The following NEMP2 variants were observed in gnomAD, a reference collection of about 807,000 sequenced individuals.
NEMP2 encodes nuclear envelope integral membrane protein 2, also known as UPF0571 transmembrane protein.
In NEMP2, 53 loss-of-function variants were observed where a neutral mutation model predicts 54.2. The ratio of observed to expected loss-of-function variants is 0.98; its 90% confidence interval spans 0.78 to 1.23. The LOEUF is 1.23. Among genes scored for constraint, NEMP2 ranks in the 50% most tolerant of loss-of-function variants. NEMP2 has a pLI of 0.00. For missense variants in NEMP2, 455 were observed against 511.3 expected, an observed-to-expected ratio of 0.89 and a Z score of 1.06; for synonymous variants, 197 against 190.3, an observed-to-expected ratio of 1.04 and a Z score of -0.29.
At chr2:190,563,713 GA>G in the NEMP2 span, among the ~76,000 whole-genome samples, 10 of 152,228 alleles carry the variant, frequency 6.6e-5, no homozygotes, top group Non-Finnish European at 1.3e-4. This position sits in a 1 kb window ranked among gnomAD's most constrained non-coding sequence, Gnocchi z 4.3. Flanking sequence ...GCACCAATGA[GA>G]TAATGGCTTA....
At chr2:190,611,273 A>G in the NEMP2 span, among the ~76,000 whole-genome samples, 1 of 152,232 alleles carries the variant, frequency 6.6e-6, no homozygotes, top group Non-Finnish European at 1.5e-5. This position sits in a 1 kb window ranked among gnomAD's most constrained non-coding sequence, Gnocchi z 5.4. Flanking sequence ...TTATACAAAT[A>G]TAGCCCAAAG....
chr2:190,646,354 GT>G, the NEMP2 span, among the ~76,000 whole-genome samples: 1 of 152,196 alleles, frequency 6.6e-6, no homozygotes, highest in African/African-American at 2.4e-5. Flanking sequence ...AAGACTGTGT[GT>G]GTGCTGGAGT....
chr2:190,569,093 A>G, the NEMP2 span, among the ~76,000 whole-genome samples: 1 of 152,198 alleles, frequency 6.6e-6, no homozygotes, highest in Non-Finnish European at 1.5e-5. Flanking sequence ...GGGAATGGAA[A>G]TGGAATTAGA....
the NEMP2 span, among the ~76,000 whole-genome samples, chr2:190,559,736 G>C: frequency 6.6e-6 from 1 of 152,202 alleles, no homozygotes; most frequent in Admixed American, 6.5e-5. The surrounding 1 kb of genome is among the most constrained non-coding windows in gnomAD (Gnocchi z 4.0). Context: ...CAGTTGTGAG[G>C]AGAAGGGTGG....
chr2:190,533,852 C>T lies in NEMP2; in HGVS notation c.97+707G>A, dbSNP rs1424429023. On this transcript the variant is annotated intron_variant, in intron 1 of 8. Transcript: ENST00000409150. This position sits in a 1 kb window ranked among gnomAD's most constrained non-coding sequence, Gnocchi z 4.3. Reference sequence around the variant, plus strand: ...TGGAGTTGGAACTCTAGGTTTCTGACTTCCCCAGGTGTCCTTCCCAGATCC... The same window carrying T: ...TGGAGTTGGAACTCTAGGTTTCTGATTTCCCCAGGTGTCCTTCCCAGATCC... 2.0e-5 allele frequency among the ~76,000 whole-genome samples: 3 copies of T among 152,162 alleles called. No individual in the cohort carries two copies. The highest frequency in any genetic ancestry group is 7.2e-5 in the African/African-American group (3 of 41,434).
the NEMP2 span, among the ~76,000 whole-genome samples, chr2:190,587,973 T>G: frequency 6.6e-6 from 1 of 152,170 alleles, no homozygotes; most frequent in Non-Finnish European, 1.5e-5. This position sits in a 1 kb window ranked among gnomAD's most constrained non-coding sequence, Gnocchi z 5.4. Context: ...GAGGAAAATC[T>G]ACCTACCAGT....
At chr2:190,449,346 C>T in the NEMP2 span, among the ~76,000 whole-genome samples, 1 of 151,920 alleles carries the variant, frequency 6.6e-6, no homozygotes, top group Non-Finnish European at 1.5e-5. Flanking sequence ...TGGTGGCGGG[C>T]ACTTGTAGTC....
the NEMP2 span, among the ~76,000 whole-genome samples, chr2:190,573,816 A>G: frequency 6.6e-6 from 1 of 152,220 alleles, no homozygotes; most frequent in Non-Finnish European, 1.5e-5. Flanking sequence ...TTGGTGCAAA[A>G]GTAATTGTGG....
At chr2:190,456,800 G>T in the NEMP2 span, among the ~76,000 whole-genome samples, 23 of 152,326 alleles carry the variant, frequency 1.5e-4, no homozygotes, top group East Asian at 3.1e-3. This position sits in a 1 kb window ranked among gnomAD's most constrained non-coding sequence, Gnocchi z 5.4. Flanking sequence ...AGTTTCTGTG[G>T]CTACCTCAGC....
chr2:190,575,056 T>C, the NEMP2 span, among the ~76,000 whole-genome samples: 2 of 151,714 alleles, frequency 1.3e-5, no homozygotes, highest in African/African-American at 4.8e-5. Flanking sequence ...GGGGTTTCAC[T>C]ATGTTGGCCA....
chr2:190,620,042 G>A, the NEMP2 span, among the ~76,000 whole-genome samples: 2 of 152,092 alleles, frequency 1.3e-5, no homozygotes, highest in Non-Finnish European at 2.9e-5. The surrounding 1 kb of genome is among the most constrained non-coding windows in gnomAD (Gnocchi z 4.9). Context: ...TATCATCATT[G>A]TCATCAAATC....
At chr2:190,473,549 C>T in the NEMP2 span, among the ~76,000 whole-genome samples, 2 of 152,164 alleles carry the variant, frequency 1.3e-5, no homozygotes, top group Admixed American at 1.3e-4. Context: ...GCACCCAATA[C>T]AGGAGCACCC....
upstream of NEMP2, among the ~76,000 whole-genome samples, chr2:190,535,416 A>G (rs910428335): frequency 2.0e-5 from 3 of 152,186 alleles, no homozygotes; most frequent in African/African-American, 7.2e-5. Flanking sequence ...TAATAGATAT[A>G]TTTTTAAATT....
the NEMP2 span, among the ~76,000 whole-genome samples, chr2:190,456,781 G>A: frequency 6.6e-6 from 1 of 152,192 alleles, no homozygotes; most frequent in East Asian, 1.9e-4. This position sits in a 1 kb window ranked among gnomAD's most constrained non-coding sequence, Gnocchi z 5.4. Flanking sequence ...CCTCAGCATC[G>A]ATACCTGCAG....
At chr2:190,575,160 T>C in the NEMP2 span, among the ~76,000 whole-genome samples, 1 of 151,972 alleles carries the variant, frequency 6.6e-6, no homozygotes, top group African/African-American at 2.4e-5. Context: ...CAGCCGACTC[T>C]GTTTCTTTTT....
Position 190,517,616 on chromosome 2 carries a change from G to A in NEMP2, c.519-3C>T. 6.5e-7 allele frequency: 1 copy of A among 1,544,752 alleles called. No homozygotes were observed. The highest frequency in any genetic ancestry group is 8.8e-7 in the Non-Finnish European group (1 of 1,142,602). On this transcript the variant is annotated splice_polypyrimidine_tract_variant and splice_region_variant and intron_variant, in intron 4 of 8. Coordinates refer to ENST00000409150, the MANE Select transcript of NEMP2 (RefSeq NM_001142645.2). ...AGGAGTAATAGAAAGTAGGGCTTCT[G>A]TCAAGATAAGCAGATAAAAGCTATT...
chr2:190,574,892 T>G, the NEMP2 span, among the ~76,000 whole-genome samples: 1 of 149,788 alleles, frequency 6.7e-6, no homozygotes, highest in Non-Finnish European at 1.5e-5. Flanking sequence ...TCTCACGCTG[T>G]CGCCCAGGCT....
At chr2:190,488,910 A>C in the NEMP2 span, 1 of 1,223,514 alleles carries the variant, frequency 8.2e-7, no homozygotes, top group Non-Finnish European at 1.1e-6. The surrounding 1 kb of genome is among the most constrained non-coding windows in gnomAD (Gnocchi z 6.4). Flanking sequence ...TTATTACTGA[A>C]GATTGCCCAA....
downstream of NEMP2, chr2:190,500,117 G>A (rs953729617): frequency 6.2e-7 from 1 of 1,614,156 alleles, no homozygotes; most frequent in Non-Finnish European, 8.5e-7. The surrounding 1 kb of genome is among the most constrained non-coding windows in gnomAD (Gnocchi z 5.3). Flanking sequence ...CCCTGACGCA[G>A]CAGCATCTCA....
Sources: gnomAD v4.1 joint callset for allele counts (sites outside exome capture counted in the v4.1 genomes callset) on GRCh38, gnomAD v4.1.1 for gene constraint, Gnocchi (gnomAD v3.1) non-coding constraint, MANE v1.5 for transcripts, NCBI Gene and HGNC (gene_info 2026-07-23, HGNC 2026-07-21) for gene names.